ACYP2: variants seen among roughly 807,000 people sequenced by gnomAD.
The protein encoded by ACYP2 is acylphosphatase-2.
In ACYP2, 12 loss-of-function variants were observed where a neutral mutation model predicts 11.2. That is an observed-to-expected ratio of 1.08 (90% confidence interval 0.69 to 1.74). ACYP2 has a LOEUF of 1.74. Ranked by LOEUF, ACYP2 falls within the 40% of genes most tolerant of loss-of-function variation. ACYP2 has a pLI of 0.00. For missense variants in ACYP2, 134 were observed against 101.9 expected, an observed-to-expected ratio of 1.31 and a Z score of -1.35; for synonymous variants, 43 against 32.2, an observed-to-expected ratio of 1.33 and a Z score of -1.13.
rs1684685781 is a variant in ACYP2 at position 54,199,889 on chromosome 2, CT to C, written c.404+61142del. On this transcript the variant is annotated intron_variant, in intron 6 of 6. Coordinates refer to ENST00000607452, the MANE Select transcript of ACYP2 (RefSeq NM_001320586.2). ...GTGCCTGGTGATCGTTGCAATGGTT[CT>C]GTATCTTACTATTCTCTGCCCTCTC... Among the ~76,000 whole-genome samples, 3 of 152,332 alleles carry C rather than the reference CT, an allele frequency of 2.0e-5. No homozygotes were observed. In the South Asian group the frequency reaches 6.2e-4, roughly 32 times the overall value.
intron 6 of ACYP2, among the ~76,000 whole-genome samples, chr2:54,163,771 G>T (rs533435551): frequency 2.0e-5 from 3 of 151,968 alleles, no homozygotes; most frequent in African/African-American, 7.3e-5. Flanking sequence ...CAGGAGAATC[G>T]CTTGAACCCA....
chr2:54,142,088 G>C (rs1475671719), intron 6 of ACYP2: 13 of 394,294 alleles, frequency 3.3e-5, no homozygotes, highest in Non-Finnish European at 4.9e-5. Context: ...TGCTCAGGCT[G>C]GTATAGGACT....
intron 6 of ACYP2, among the ~76,000 whole-genome samples, chr2:54,210,404 C>G (rs967975604): frequency 6.9e-6 from 1 of 144,150 alleles, no homozygotes; most frequent in Admixed American, 6.8e-5. Context: ...GCTTATAACT[C>G]TATACAAATA....
chr2:54,255,683 T>C (rs1480846345), intron 6 of ACYP2: 3 of 1,613,970 alleles, frequency 1.9e-6, no homozygotes, highest in African/African-American at 1.3e-5. Flanking sequence ...GCTGAGAACA[T>C]GGCACACTCC....
At chr2:54,204,977 T>C (rs1179899963) in intron 6 of ACYP2, among the ~76,000 whole-genome samples, 2 of 152,204 alleles carry the variant, frequency 1.3e-5, no homozygotes, top group Admixed American at 6.5e-5. Flanking sequence ...ATGTTTCTCA[T>C]AGGCACCTTC....
intron 6 of ACYP2, among the ~76,000 whole-genome samples, chr2:54,201,636 C>CTCTTTCTTTCTTT (rs1684809388): frequency 1.1e-5 from 1 of 93,662 alleles, no homozygotes; most frequent in Admixed American, 1.1e-4. Context: ...TTCTTTCTTT[C>CTCTTTCTTTCTTT]TCTTTCTTTC....
chr2:54,060,216 C>T (rs769396228), intron 4 of ACYP2, among the ~76,000 whole-genome samples: 2 of 152,176 alleles, frequency 1.3e-5, no homozygotes, highest in Non-Finnish European at 2.9e-5. Context: ...AGATGTTGCA[C>T]ATCCTGGAAT....
chr2:54,115,269 C>A (rs2103726101), intron 4 of ACYP2: 1 of 387,724 alleles, frequency 2.6e-6, no homozygotes, highest in East Asian at 4.6e-5. Context: ...GTCAAAACAT[C>A]ACCTTGTACA....
rs75009128 is a variant in ACYP2, at chr2:54,132,166, T to C, written c.278-3287T>C. ...GTGTTCTGGGATCCCCTTACCCTTATGATAAAAAGACGCACACTTTTGCCT... is the reference window on the plus strand; with the variant it reads ...GTGTTCTGGGATCCCCTTACCCTTACGATAAAAAGACGCACACTTTTGCCT... On this transcript the variant is annotated intron_variant, in intron 4 of 6. Transcript: ENST00000607452. 1.3e-4 allele frequency among the ~76,000 whole-genome samples: 18 copies of C among 140,840 alleles called. No individual in the cohort carries two copies. The East Asian group carries it at 3.9e-3, about 31-fold the overall frequency. The allele number at this position is 140,840 out of a possible 152,430, so 92.4% of individuals were successfully genotyped here. A position where few individuals can be genotyped will look rare whatever the true frequency, so the allele number is the denominator to read the frequency against.
chr2:53,971,135 C>T lies in ACYP2; in HGVS notation c.-223C>T, dbSNP rs111363964. ...GGTGGTGGCGGCAGCTGGAGCCCAA[C>T]GGGCTGCGCCTTCTTCGCCGTGGGC... On this transcript the variant is annotated 5_prime_UTR_variant, in exon 1 of 7. Transcript: ENST00000607452. The T allele has an allele frequency of 2.3e-5, 5 of 219,994 alleles. No homozygotes were observed. The highest frequency in any genetic ancestry group is 2.7e-5 in the Non-Finnish European group (3 of 113,206). 13.6% of individuals were successfully genotyped at this position (219,994 alleles called of 1,614,324 possible).
Position 54,129,117 on chromosome 2 carries a change from T to A in ACYP2, c.278-6336T>A, listed in dbSNP as rs1304361994. ...AATAAAGACAATAACAAGGTAATAG[T>A]TCTGTTTAACATGATGCAGCTAACA... On this transcript the variant is annotated intron_variant, in intron 4 of 6. Transcript: ENST00000607452. Among the ~76,000 whole-genome samples, 3 of 152,160 alleles carry A rather than the reference T, an allele frequency of 2.0e-5. No individual in the cohort carries two copies. The East Asian group carries it at 5.8e-4, about 29-fold the overall frequency.
chr2:54,052,484 G>A (rs1438010599), intron 3 of ACYP2, among the ~76,000 whole-genome samples: 4 of 152,056 alleles, frequency 2.6e-5, no homozygotes, highest in Admixed American at 2.6e-4. Flanking sequence ...GTTATATATG[G>A]GAATTGTAAT....
chr2:53,997,572 C>T (rs115322634), intron 2 of ACYP2, among the ~76,000 whole-genome samples: 2 of 152,132 alleles, frequency 1.3e-5, no homozygotes, highest in Non-Finnish European at 1.5e-5. Context: ...TCCCAAAGTG[C>T]TGAGACTATA....
chr2:54,229,867 T>C (rs1686159720), intron 6 of ACYP2, among the ~76,000 whole-genome samples: 1 of 152,236 alleles, frequency 6.6e-6, no homozygotes, highest in South Asian at 2.1e-4. Context: ...TCAAAAATAT[T>C]AGTCTGGCAT....
At chr2:54,171,798 AC>A (rs1217668815) in intron 6 of ACYP2, among the ~76,000 whole-genome samples, 1 of 152,132 alleles carries the variant, frequency 6.6e-6, no homozygotes, top group Non-Finnish European at 1.5e-5. Context: ...CAAGTTAAAA[AC>A]GGCTTTTTAG....
At chr2:54,201,108 CTT>C (rs757159071) in intron 6 of ACYP2, among the ~76,000 whole-genome samples, 17 of 77,948 alleles carry the variant, frequency 2.2e-4, no homozygotes, top group Non-Finnish European at 2.3e-4. Context: ...TTCTCTCTCT[CTT>C]TTTTTTTTTT....
chr2:54,015,947 G>C (rs1673661340), intron 2 of ACYP2, among the ~76,000 whole-genome samples: 1 of 151,976 alleles, frequency 6.6e-6, no homozygotes, highest in African/African-American at 2.4e-5. Flanking sequence ...TTATGGCTGG[G>C]AGATACCACA....
intron 6 of ACYP2, chr2:54,255,810 G>A (rs1385780410): frequency 2.5e-6 from 4 of 1,613,874 alleles, no homozygotes; most frequent in Admixed American, 3.3e-5. Context: ...CACCCGGAAA[G>A]CCATTTTTGA....
chr2:54,255,616 GCT>G (rs963456682), intron 6 of ACYP2: 6 of 1,613,328 alleles, frequency 3.7e-6, no homozygotes, highest in Non-Finnish European at 5.1e-6. Context: ...CTCATCTATT[GCT>G]CTGTTTTCTT....
Sources: allele counts gnomAD v4.1 joint callset (sites outside exome capture counted in the v4.1 genomes callset), GRCh38; gene constraint gnomAD v4.1.1; transcripts MANE v1.5; gene names NCBI Gene and HGNC (gene_info 2026-07-23, HGNC 2026-07-21).